The following ZNF41 variants were observed in gnomAD, a reference collection of about 807,000 sequenced individuals.
The protein encoded by ZNF41 is zinc finger protein 41.
ZNF41 carries 6 observed loss-of-function variants against 9.3 expected under a neutral mutation model. The observed-to-expected ratio is 0.65, with a 90% CI of 0.35 to 1.28. The LOEUF is 1.28. Among genes scored for constraint, ZNF41 ranks in the 50% most tolerant of loss-of-function variants. The pLI is 0.03. For synonymous variants in ZNF41, 192 were observed against 207.1 expected, an observed-to-expected ratio of 0.93 and a Z score of 0.63; for missense variants, 523 against 585.8, an observed-to-expected ratio of 0.89 and a Z score of 1.11.
intron 1 of ZNF41, among the ~76,000 whole-genome samples, chrX:47,475,158 A>T (rs1385004816): frequency 5.5e-5 from 6 of 108,632 alleles, no homozygotes; most frequent in African/African-American, 2.0e-4. Context: ...GAAAGGAAAA[A>T]AAATATATAT....
At chrX:47,459,221 G>A (rs758654444) in intron 2 of ZNF41, among the ~76,000 whole-genome samples, 6 of 108,284 alleles carry the variant, frequency 5.5e-5, no homozygotes, top group Non-Finnish European at 1.1e-4. Context: ...ATGGTGGCAC[G>A]TGACTGTAGT....
At chrX:47,453,979 G>A (rs1032018054) in intron 4 of ZNF41, among the ~76,000 whole-genome samples, 1 of 111,406 alleles carries the variant, frequency 9.0e-6, no homozygotes, top group Non-Finnish European at 1.9e-5. Flanking sequence ...GGCTGAGGCA[G>A]GAGAATCGCT....
At chrX:47,461,230 TG>T (rs2056779360) in intron 2 of ZNF41, among the ~76,000 whole-genome samples, 1 of 104,981 alleles carries the variant, frequency 9.5e-6, no homozygotes, top group Admixed American at 1.0e-4. Context: ...CCCTAGTAGC[TG>T]GGATTACAGG....
chrX:47,461,254 C>T (rs1314138066), intron 2 of ZNF41, among the ~76,000 whole-genome samples: 1 of 105,886 alleles, frequency 9.4e-6, no homozygotes, highest in East Asian at 3.0e-4. Context: ...CCCACCATCA[C>T]GCCTAACCAA....
chrX:47,462,960 CACACACAT>C (rs1235782599), intron 2 of ZNF41, among the ~76,000 whole-genome samples: 2 of 105,057 alleles, frequency 1.9e-5, no homozygotes, highest in East Asian at 5.9e-4. Flanking sequence ...CACACACACA[CACACACAT>C]ATGTGTACAC....
chrX:47,461,217 C>T (rs1402023432), intron 2 of ZNF41, among the ~76,000 whole-genome samples: 2 of 104,659 alleles, frequency 1.9e-5, no homozygotes, highest in African/African-American at 3.5e-5. Context: ...CCTGCCTCAG[C>T]CTCCCTAGTA....
chrX:47,457,279 G>A (rs1335112199), intron 2 of ZNF41, among the ~76,000 whole-genome samples: 21 of 110,525 alleles, frequency 1.9e-4, no homozygotes, highest in East Asian at 5.7e-4. Flanking sequence ...GCGTGGTGGC[G>A]CACGCCCGTA....
Position 47,447,713 on chromosome X carries a change from G to C in ZNF41, c.2057C>G (p.Thr686Ser). 8.3e-7 allele frequency: 1 copy of C among 1,211,518 alleles called. No homozygotes were observed. Among genetic ancestry groups the C allele is most frequent in the Admixed American group, 2.2e-5 (1 of 45,946 alleles). The change falls in exon 5 of 5, where the codon ACT (threonine) becomes AGT (serine). Residue 686 changes from threonine to serine, a missense_variant. Transcript: ENST00000684689. ...ACCACATTCATAGGGTTTCTCCCTA[G>C]TGTGGATTTTCTGATGTGTTATGAG... ...SNLITHQKIHTREKPYECGDC... is the reference protein window; with the variant it reads ...SNLITHQKIHSREKPYECGDC...
intron 1 of ZNF41, among the ~76,000 whole-genome samples, chrX:47,477,903 C>T (rs1390653474): frequency 2.7e-5 from 3 of 112,625 alleles, no homozygotes; most frequent in Non-Finnish European, 5.6e-5. Flanking sequence ...CGCAAATGCT[C>T]ATAGCAGCAT....
intron 4 of ZNF41, among the ~76,000 whole-genome samples, chrX:47,454,972 G>A (rs1005791592): frequency 3.6e-5 from 4 of 111,380 alleles, no homozygotes; most frequent in African/African-American, 6.5e-5. Flanking sequence ...CTGGCCAGGC[G>A]CGGTGGCTCA....
chrX:47,474,034 G>C (rs1245756312), intron 1 of ZNF41, among the ~76,000 whole-genome samples: 1 of 112,091 alleles, frequency 8.9e-6, no homozygotes, highest in East Asian at 2.8e-4. Context: ...CCCTCAATAG[G>C]TGAATGGCTA....
intron 4 of ZNF41, among the ~76,000 whole-genome samples, chrX:47,454,624 G>A (rs1432200462): frequency 9.0e-6 from 1 of 111,414 alleles, no homozygotes. Flanking sequence ...GTATTAGATG[G>A]GACTTGGACA....
chrX:47,453,866 G>C (rs1388206787), intron 4 of ZNF41, among the ~76,000 whole-genome samples: 2 of 111,525 alleles, frequency 1.8e-5, no homozygotes, highest in Non-Finnish European at 3.8e-5. Flanking sequence ...GAGGTCAGGA[G>C]ATCGAGACCA....
intron 1 of ZNF41, 105 bp from the exon 2 acceptor site, chrX:47,467,865 C>T (rs991119391): frequency 1.4e-5 from 3 of 212,089 alleles, no homozygotes; most frequent in African/African-American, 2.9e-5. Context: ...TGTATTTAAG[C>T]TCTTCTATGT....
rs1245725150 is a variant in ZNF41, at chrX:47,447,949, G to A, written c.1821C>T (p.Tyr607=). Residue 607 remains tyrosine, a synonymous_variant, in exon 5 of 5, where the codon TAC becomes TAT. Coordinates refer to ENST00000684689, the MANE Select transcript of ZNF41 (RefSeq NM_001324144.2). ...HQRIHTGEKP[Y]VCPECGKAFI... is the part of the protein sequence containing the mutation. ...AGGCCTTCCCGCATTCAGGACAAAC[G>A]TACGGTTTCTCTCCTGTATGGATTC... 3.3e-6 allele frequency: 4 copies of A among 1,211,095 alleles called. No homozygotes were observed. The highest frequency in any genetic ancestry group is 4.5e-6 in the Non-Finnish European group (4 of 895,342).
chrX:47,456,579 G>T, intron 2 of ZNF41, 181 bp from the exon 3 acceptor site: 1 of 560,854 alleles, frequency 1.8e-6, no homozygotes, highest in Non-Finnish European at 2.7e-6. Context: ...CTTGACATTT[G>T]TTGTGTACTA....
At chrX:47,465,368 T>C (rs1359403491) in intron 2 of ZNF41, among the ~76,000 whole-genome samples, 1 of 111,995 alleles carries the variant, frequency 8.9e-6, no homozygotes, top group East Asian at 2.8e-4. Flanking sequence ...TTGGTGGCTA[T>C]AGTTAATAAT....
chrX:47,448,561 T>C lies in ZNF41; in HGVS notation c.1209A>G (p.Lys403=). 2.5e-6 allele frequency: 3 copies of C among 1,211,872 alleles called. No individual in the cohort carries two copies. The highest frequency in any genetic ancestry group is 3.3e-6 in the Non-Finnish European group (3 of 895,566). ...CATAGTGTTTCTCTCCGGTATGAGT[T>C]TTCTGATGTATACTGAGGTCTGAGT... ...SQNSDLSIHQ[K]THTGEKHYEC... Residue 403 remains lysine (K), a synonymous_variant, in exon 5 of 5, where the codon AAA becomes AAG. Transcript: ENST00000684689.
chrX:47,478,836 G>A (rs1381158519), intron 1 of ZNF41, among the ~76,000 whole-genome samples: 1 of 110,090 alleles, frequency 9.1e-6, no homozygotes, highest in Non-Finnish European at 1.9e-5. Flanking sequence ...GGGAGGCTGA[G>A]GCAGGGAGAA....
Sources: allele counts gnomAD v4.1 joint callset (sites outside exome capture counted in the v4.1 genomes callset), GRCh38; gene constraint gnomAD v4.1.1; transcripts MANE v1.5; gene names NCBI Gene and HGNC (gene_info 2026-07-23, HGNC 2026-07-21).